Variants in SH3GL2 observed in about 807,000 individuals in gnomAD.
SH3GL2 encodes SH3 domain containing GRB2 like 2, endophilin A1.
SH3GL2 carries 24 observed loss-of-function variants against 46.0 expected under a neutral mutation model. The ratio of observed to expected loss-of-function variants is 0.52; its 90% CI spans 0.38 to 0.73. SH3GL2 has a LOEUF of 0.73. Ranked by LOEUF, SH3GL2 falls within the 30% of genes least tolerant of loss-of-function variation. The pLI is 0.00. For missense variants in SH3GL2, 413 were observed against 424.2 expected (o/e 0.97, Z 0.23); for synonymous variants, 196 against 147.1 (o/e 1.33, Z -2.40).
At position 17,593,799 on chromosome 9, in the gene SH3GL2, T is replaced by G. The variant is rs151134581; in HGVS notation, c.45+14512T>G. ...GAAGCTTTTGAAGTAATTTAGAAAATGGTGCAATACCATCCGTCATCAGGC... is the reference window on the plus strand; with the variant it reads ...GAAGCTTTTGAAGTAATTTAGAAAAGGGTGCAATACCATCCGTCATCAGGC... On this transcript the variant is annotated intron_variant, in intron 1 of 8. Coordinates refer to ENST00000380607, the MANE Select transcript of SH3GL2 (RefSeq NM_003026.5). Among the ~76,000 whole-genome samples the G allele has an allele frequency of 9.8e-3, 1,489 of 152,228 alleles. 14 individuals carry two copies. The highest frequency in any genetic ancestry group is 0.061 in the Middle Eastern group (18 of 294).
intron 1 of SH3GL2, among the ~76,000 whole-genome samples, chr9:17,723,925 A>G (rs1345267143): frequency 6.6e-6 from 1 of 152,108 alleles, no homozygotes; most frequent in African/African-American, 2.4e-5. Flanking sequence ...ATTGATTTCA[A>G]GAGTTTATCT....
At chr9:17,743,521 TC>T (rs1195481619) in intron 1 of SH3GL2, among the ~76,000 whole-genome samples, 1 of 151,134 alleles carries the variant, frequency 6.6e-6, no homozygotes, top group Non-Finnish European at 1.5e-5. Flanking sequence ...ATTGAGGCAC[TC>T]CTCCCTCCTT....
chr9:17,732,560 T>C (rs759781356), intron 1 of SH3GL2, among the ~76,000 whole-genome samples: 41 of 152,100 alleles, frequency 2.7e-4, no homozygotes, highest in Admixed American at 8.5e-4. Flanking sequence ...TAAACAACGA[T>C]AGTTTAAAAT....
intron 1 of SH3GL2, among the ~76,000 whole-genome samples, chr9:17,668,801 T>G (rs1462629112): frequency 1.3e-5 from 2 of 152,116 alleles, no homozygotes; most frequent in Non-Finnish European, 2.9e-5. Context: ...GGACTACAGG[T>G]GCATGCCACC....
intron 1 of SH3GL2, among the ~76,000 whole-genome samples, chr9:17,708,551 A>G (rs1821535159): frequency 6.6e-6 from 1 of 151,996 alleles, no homozygotes; most frequent in Non-Finnish European, 1.5e-5. Context: ...TATTTAACAA[A>G]TATATACGAT....
chr9:17,703,609 T>G (rs1461086904), intron 1 of SH3GL2, among the ~76,000 whole-genome samples: 1 of 152,010 alleles, frequency 6.6e-6, no homozygotes, highest in African/African-American at 2.4e-5. Context: ...TCCACTATGA[T>G]CAAGTAGTCG....
chr9:17,789,297 A>T, intron 5 of SH3GL2, 95 bp from the exon 6 acceptor site: 1 of 984,442 alleles, frequency 1.0e-6, no homozygotes, highest in South Asian at 1.6e-5. Flanking sequence ...AGCCTATCTT[A>T]ATTTGGAAGT....
chr9:17,614,512 G>A (rs1288580515), intron 1 of SH3GL2, among the ~76,000 whole-genome samples: 3 of 152,126 alleles, frequency 2.0e-5, no homozygotes, highest in East Asian at 3.9e-4. Context: ...AATTGGGACA[G>A]CGTAGCTATT....
intron 3 of SH3GL2, among the ~76,000 whole-genome samples, chr9:17,762,140 C>G (rs1422647066): frequency 6.6e-6 from 1 of 152,140 alleles, no homozygotes; most frequent in Non-Finnish European, 1.5e-5. Flanking sequence ...CAAAGCAAAG[C>G]AAAGCAGCCT....
chr9:17,722,651 T>C (rs1371436961), intron 1 of SH3GL2, among the ~76,000 whole-genome samples: 1 of 152,044 alleles, frequency 6.6e-6, no homozygotes, highest in Non-Finnish European at 1.5e-5. Context: ...AGTAAATTTT[T>C]TTTTTAAAAA....
intron 3 of SH3GL2, among the ~76,000 whole-genome samples, chr9:17,769,040 A>G (rs1181581393): frequency 1.3e-5 from 2 of 151,842 alleles, no homozygotes; most frequent in South Asian, 2.1e-4. Flanking sequence ...CTTTGCTTCA[A>G]TCACTTCCTC....
chr9:17,661,216 A>T (rs901764591), intron 1 of SH3GL2, among the ~76,000 whole-genome samples: 4 of 152,200 alleles, frequency 2.6e-5, no homozygotes, highest in Non-Finnish European at 5.9e-5. Context: ...GTTGGTTAGT[A>T]CCAATCTAGA....
chr9:17,660,636 A>G (rs1200529796), intron 1 of SH3GL2, among the ~76,000 whole-genome samples: 5 of 152,212 alleles, frequency 3.3e-5, no homozygotes, highest in African/African-American at 4.8e-5. Flanking sequence ...AGTGGGCTGT[A>G]TGATCTCAGA....
At chr9:17,637,518 A>G (rs1819567813) in intron 1 of SH3GL2, among the ~76,000 whole-genome samples, 1 of 152,186 alleles carries the variant, frequency 6.6e-6, no homozygotes. Context: ...TTGAATGAAT[A>G]AATTCATATA....
chr9:17,704,365 C>G (rs551849649), intron 1 of SH3GL2, among the ~76,000 whole-genome samples: 59 of 152,158 alleles, frequency 3.9e-4, no homozygotes, highest in African/African-American at 1.4e-3. Context: ...GTTATACTCT[C>G]CAAAGCAATT....
At chr9:17,713,028 C>T (rs1000094153) in intron 1 of SH3GL2, among the ~76,000 whole-genome samples, 1 of 150,654 alleles carries the variant, frequency 6.6e-6, no homozygotes, top group East Asian at 1.9e-4. Flanking sequence ...CTTATAGGCC[C>T]TTTTTAAAGT....
intron 1 of SH3GL2, among the ~76,000 whole-genome samples, chr9:17,647,041 G>T (rs1313431385): frequency 6.6e-6 from 1 of 152,124 alleles, no homozygotes; most frequent in Non-Finnish European, 1.5e-5. Flanking sequence ...CCCCTGACCG[G>T]GGCTGTTGCC....
chr9:17,647,164 G>A (rs1218105226), intron 1 of SH3GL2, among the ~76,000 whole-genome samples: 1 of 152,202 alleles, frequency 6.6e-6, no homozygotes, highest in Non-Finnish European at 1.5e-5. Flanking sequence ...TTAACAGGAT[G>A]CAGATCACAT....
At chr9:17,738,641 T>TATATATATAGAGAGAGAGAGAGAGAG (rs376280314) in intron 1 of SH3GL2, among the ~76,000 whole-genome samples, 4 of 88,896 alleles carry the variant, frequency 4.5e-5, no homozygotes, top group Non-Finnish European at 7.0e-5. Context: ...TATATATATA[T>TATATATATAGAGAGAGAGAGAGAGAG]AGAGAGAGAG....
Sources: allele counts gnomAD v4.1 joint callset (sites outside exome capture counted in the v4.1 genomes callset), GRCh38; gene constraint gnomAD v4.1.1; transcripts MANE v1.5; gene names NCBI Gene and HGNC (gene_info 2026-07-23, HGNC 2026-07-21).